Variants in NFIB observed in about 807,000 individuals in gnomAD.
NFIB encodes the protein nuclear factor I B.
NFIB carries 11 observed loss-of-function variants against 61.5 expected under a neutral mutation model. That is an observed-to-expected ratio of 0.18 (90% CI 0.11 to 0.30). NFIB has a LOEUF of 0.30. NFIB is among the 10% of genes least tolerant of loss of function. The probability of loss-of-function intolerance (pLI) is 1.00; values close to 1 mark genes in which losing one functional copy is unlikely to be tolerated. For synonymous variants in NFIB, 260 were observed against 216.5 expected, an observed-to-expected ratio of 1.20 and a Z score of -1.76; for missense variants, 471 against 608.9, an observed-to-expected ratio of 0.77 and a Z score of 2.38.
At chr9:14,325,135 A>G (rs1343269901) in intron 1 of NFIB, among the ~76,000 whole-genome samples, 1 of 152,068 alleles carries the variant, frequency 6.6e-6, no homozygotes, top group Non-Finnish European at 1.5e-5. Context: ...CTAAGAATAT[A>G]ATTAAGGTCC....
chr9:14,211,545 G>C (rs1034248512), intron 2 of NFIB, among the ~76,000 whole-genome samples: 1 of 152,170 alleles, frequency 6.6e-6, no homozygotes, highest in African/African-American at 2.4e-5. Flanking sequence ...AAAAATACTA[G>C]TATAGTTACT....
At chr9:14,356,789 A>G (rs1470310545) in intron 1 of NFIB, among the ~76,000 whole-genome samples, 2 of 152,192 alleles carry the variant, frequency 1.3e-5, no homozygotes, top group Admixed American at 1.3e-4. Context: ...TTTATAGTGC[A>G]TGCCATACCA....
At chr9:14,275,602 T>C (rs930088739) in intron 2 of NFIB, among the ~76,000 whole-genome samples, 2 of 152,144 alleles carry the variant, frequency 1.3e-5, no homozygotes, top group Non-Finnish European at 2.9e-5. Context: ...ACCCAGGGGC[T>C]TATATCCTTG....
At chr9:14,222,641 A>G (rs1413626247) in intron 2 of NFIB, among the ~76,000 whole-genome samples, 3 of 151,826 alleles carry the variant, frequency 2.0e-5, no homozygotes, top group Non-Finnish European at 2.9e-5. Context: ...CATTGCTACA[A>G]AAAATTAGCC....
the NFIB span, among the ~76,000 whole-genome samples, chr9:14,437,844 G>A: frequency 1.3e-5 from 2 of 152,182 alleles, no homozygotes; most frequent in African/African-American, 4.8e-5. Context: ...TCCATCACTG[G>A]GCTGGAGGCC....
chr9:14,250,267 C>T (rs1426328923), intron 2 of NFIB, among the ~76,000 whole-genome samples: 1 of 151,800 alleles, frequency 6.6e-6, no homozygotes, highest in Non-Finnish European at 1.5e-5. Flanking sequence ...CATATAATAT[C>T]TTTTTTTGTT....
intron 2 of NFIB, among the ~76,000 whole-genome samples, chr9:14,286,855 T>G (rs2058738231): frequency 1.3e-5 from 2 of 152,202 alleles, no homozygotes; most frequent in African/African-American, 4.8e-5. Context: ...AAAGATTTCT[T>G]TTTAAATGTC....
At chr9:14,375,223 C>T (rs576677169) in intron 1 of NFIB, among the ~76,000 whole-genome samples, 1 of 152,338 alleles carries the variant, frequency 6.6e-6, no homozygotes, top group East Asian at 1.9e-4. Context: ...CTCTTTCTAT[C>T]TCTCTGCTCT....
chr9:14,168,522 C>T (rs1486876281), intron 3 of NFIB, among the ~76,000 whole-genome samples: 1 of 152,106 alleles, frequency 6.6e-6, no homozygotes, highest in Non-Finnish European at 1.5e-5. Context: ...TCCATGTGTG[C>T]AACGGACAAA....
chr9:14,131,065 G>A (rs987377908), intron 6 of NFIB, among the ~76,000 whole-genome samples: 1 of 152,056 alleles, frequency 6.6e-6, no homozygotes, highest in Non-Finnish European at 1.5e-5. Flanking sequence ...TAATAATACT[G>A]GATTGCAGAA....
intron 1 of NFIB, among the ~76,000 whole-genome samples, chr9:14,343,305 T>C (rs1267947397): frequency 2.0e-5 from 3 of 152,080 alleles, no homozygotes; most frequent in Non-Finnish European, 4.4e-5. Context: ...CCCCCTACTT[T>C]CTCATTTTTC....
At chr9:14,201,355 T>C (rs553600321) in intron 2 of NFIB, among the ~76,000 whole-genome samples, 1 of 151,870 alleles carries the variant, frequency 6.6e-6, no homozygotes, top group South Asian at 2.1e-4. Context: ...CCCTTTACCC[T>C]CCCCCTCACA....
At chr9:14,137,440 T>G (rs2041191506) in intron 6 of NFIB, among the ~76,000 whole-genome samples, 1 of 152,230 alleles carries the variant, frequency 6.6e-6, no homozygotes, top group African/African-American at 2.4e-5. Flanking sequence ...TTCTGAATTT[T>G]CCAAAAGATC....
At chr9:14,516,327 C>T in the NFIB span, among the ~76,000 whole-genome samples, 2 of 152,278 alleles carry the variant, frequency 1.3e-5, no homozygotes, top group African/African-American at 4.8e-5. Flanking sequence ...AGTGTGTGGG[C>T]TTTATGGGAT....
chr9:14,289,507 A>G (rs1424927201), intron 2 of NFIB, among the ~76,000 whole-genome samples: 1 of 151,852 alleles, frequency 6.6e-6, no homozygotes, highest in Non-Finnish European at 1.5e-5. Context: ...AGTTGGTGAG[A>G]AGGTTATATT....
chr9:14,494,789 C>T, the NFIB span, among the ~76,000 whole-genome samples: 11 of 152,146 alleles, frequency 7.2e-5, no homozygotes, highest in African/African-American at 2.7e-4. Flanking sequence ...ATGTTTGTGC[C>T]TCTGAAGTCC....
the NFIB span, among the ~76,000 whole-genome samples, chr9:14,452,852 G>A: frequency 0.015 from 2,321 of 152,362 alleles, 51 homozygotes; most frequent in African/African-American, 0.052. Context: ...AAGCAGGGAG[G>A]AGAAGGGGGA....
At chr9:14,482,933 T>A in the NFIB span, among the ~76,000 whole-genome samples, 3 of 152,336 alleles carry the variant, frequency 2.0e-5, no homozygotes, top group South Asian at 4.1e-4. Context: ...TTTGGATGCC[T>A]TCTGAAAGGA....
intron 4 of NFIB, among the ~76,000 whole-genome samples, chr9:14,155,064 C>A (rs1186854128): frequency 6.6e-6 from 1 of 152,052 alleles, no homozygotes; most frequent in Non-Finnish European, 1.5e-5. Context: ...TGAAAATATA[C>A]CCTTCAAAGT....
Sources: gnomAD v4.1 joint callset for allele counts (sites outside exome capture counted in the v4.1 genomes callset) on GRCh38, gnomAD v4.1.1 for gene constraint, MANE v1.5 for transcripts, NCBI Gene and HGNC (gene_info 2026-07-23, HGNC 2026-07-21) for gene names.